PAK5: variants seen among roughly 807,000 people sequenced by gnomAD.
The protein encoded by PAK5 is p21 (RAC1) activated kinase 5, also known as serine/threonine-protein kinase PAK 5.
PAK5 carries 16 observed loss-of-function variants against 65.9 expected under a neutral mutation model. The ratio of observed to expected loss-of-function variants is 0.24; its 90% CI spans 0.16 to 0.37. The LOEUF is 0.37. Among genes scored for constraint, PAK5 ranks in the 10% least tolerant of loss-of-function variants. The probability of loss-of-function intolerance (pLI) is 1.00; values close to 1 mark genes in which losing one functional copy is unlikely to be tolerated. For missense variants in PAK5, 785 were observed against 903.9 expected (o/e 0.87, Z 1.69); for synonymous variants, 371 against 354.9 (o/e 1.05, Z -0.51).
intron 1 of PAK5, among the ~76,000 whole-genome samples, chr20:9,810,570 T>G (rs1190478532): frequency 6.6e-6 from 1 of 152,130 alleles, no homozygotes; most frequent in Non-Finnish European, 1.5e-5. Flanking sequence ...CAAGAAAGAA[T>G]GTATCAAGGG....
chr20:9,593,408 C>T (rs981723286), intron 3 of PAK5, among the ~76,000 whole-genome samples: 1 of 152,116 alleles, frequency 6.6e-6, no homozygotes, highest in East Asian at 1.9e-4. Context: ...ACTTGGCTTA[C>T]CCAGAGACAC....
chr20:9,612,726 ACCATATCAC>A (rs1191470709), intron 3 of PAK5, among the ~76,000 whole-genome samples: 2 of 152,046 alleles, frequency 1.3e-5, no homozygotes, highest in Non-Finnish European at 2.9e-5. Context: ...AAAGATCCAA[ACCATATCAC>A]CCAGCTACCC....
At chr20:9,644,045 G>A in intron 3 of PAK5, 80 bp downstream of exon 3, 3 of 1,021,154 alleles carry the variant, frequency 2.9e-6, no homozygotes, top group South Asian at 1.3e-5. Flanking sequence ...GCATTTTATA[G>A]CTTGCTTATA....
rs35705495 is a variant in PAK5, at chr20:9,738,818, TTGTGTG to T, written c.-161-27389_-161-27384del. The stretch of plus-strand genomic sequence containing the variant: ...ATTGCATACTTTAAATATGGGCAGT[TTGTGTG>T]TGTGTGTGTGTGTGTGTGTCAGTTA... On this transcript the variant is annotated intron_variant, in intron 1 of 9. Coordinates refer to ENST00000353224, the MANE Select transcript of PAK5 (RefSeq NM_177990.4). 2.0e-4 allele frequency among the ~76,000 whole-genome samples: 30 copies of T among 150,220 alleles called. No homozygotes were observed. In the East Asian group the frequency reaches 3.3e-3, roughly 17 times the overall value.
chr20:9,745,648 C>T (rs2048498749), intron 1 of PAK5, among the ~76,000 whole-genome samples: 1 of 152,006 alleles, frequency 6.6e-6, no homozygotes, highest in Non-Finnish European at 1.5e-5. Flanking sequence ...TACATGAATG[C>T]CTTGGTGAAA....
At chr20:9,783,728 T>G (rs1026659675) in intron 1 of PAK5, among the ~76,000 whole-genome samples, 1 of 152,178 alleles carries the variant, frequency 6.6e-6, no homozygotes, top group Non-Finnish European at 1.5e-5. Flanking sequence ...TGATCCCATT[T>G]ATAATTTGCA....
intron 3 of PAK5, among the ~76,000 whole-genome samples, chr20:9,638,055 C>T (rs1035814166): frequency 2.6e-5 from 4 of 152,126 alleles, no homozygotes; most frequent in African/African-American, 9.7e-5. Flanking sequence ...TCACTCCAGA[C>T]CTACTGAATC....
chr20:9,568,473 G>C (rs1207249357), intron 4 of PAK5, among the ~76,000 whole-genome samples: 1 of 152,072 alleles, frequency 6.6e-6, no homozygotes, highest in Non-Finnish European at 1.5e-5. Flanking sequence ...GGGCTTGTGG[G>C]GTGTGATAAT....
At chr20:9,671,626 T>C (rs556050169) in intron 2 of PAK5, among the ~76,000 whole-genome samples, 1 of 148,798 alleles carries the variant, frequency 6.7e-6, no homozygotes, top group South Asian at 2.4e-4. Flanking sequence ...ATTGATTTTG[T>C]ATCCTGAGAC....
chr20:9,659,797 C>T (rs1352567092), intron 2 of PAK5, among the ~76,000 whole-genome samples: 6 of 152,066 alleles, frequency 3.9e-5, no homozygotes, highest in East Asian at 3.9e-4. Context: ...TTGCCTTGTC[C>T]CCAAACAATC....
Position 9,538,572 on chromosome 20 carries a change from G to A in PAK5, c.*890C>T. 4.3e-6 allele frequency: 1 copy of A among 233,256 alleles called. No homozygotes were observed. Among genetic ancestry groups the A allele is most frequent in the African/African-American group, 2.2e-5 (1 of 45,426 alleles). 14.4% of individuals were successfully genotyped at this position (233,256 alleles called of 1,614,324 possible). On this transcript the variant is annotated 3_prime_UTR_variant, in exon 10 of 10. Coordinates refer to ENST00000353224, the MANE Select transcript of PAK5 (RefSeq NM_177990.4). ...CCTGGGAGGGAAATTTGGCCACAAG[G>A]GAACATTGTACCCATTTGAGAAAGG...
Position 9,622,853 on chromosome 20 carries a change from G to T in PAK5, c.204+21272C>A, listed in dbSNP as rs144963759. Among the ~76,000 whole-genome samples, 54 of 152,256 alleles carry T rather than the reference G, an allele frequency of 3.5e-4. No homozygotes were observed. In the East Asian group the frequency reaches 8.5e-3, roughly 24 times the overall value. ...AGTCCCTGGTGCCAAAAAGGTTGGG[G>T]ACTGCTGTGTTAAGCAACACACCTG... On this transcript the variant is annotated intron_variant, in intron 3 of 9. Coordinates refer to ENST00000353224, the MANE Select transcript of PAK5 (RefSeq NM_177990.4).
intron 2 of PAK5, among the ~76,000 whole-genome samples, chr20:9,659,717 T>TA (rs1043667645): frequency 6.6e-5 from 10 of 152,284 alleles, no homozygotes; most frequent in Admixed American, 1.3e-4. Flanking sequence ...CAATTTTAGA[T>TA]AAAAAATCAT....
intron 1 of PAK5, among the ~76,000 whole-genome samples, chr20:9,804,831 T>C (rs2049212618): frequency 6.6e-6 from 1 of 152,120 alleles, no homozygotes; most frequent in Admixed American, 6.6e-5. Flanking sequence ...GAAGGATTGC[T>C]TGAGGCCAGG....
At chr20:9,719,201 C>T (rs2048185879) in intron 1 of PAK5, among the ~76,000 whole-genome samples, 1 of 152,166 alleles carries the variant, frequency 6.6e-6, no homozygotes, top group South Asian at 2.1e-4. Context: ...GATTTTCTTT[C>T]ATTCAAAACA....
intron 3 of PAK5, among the ~76,000 whole-genome samples, chr20:9,611,161 T>C (rs2046552452): frequency 6.6e-6 from 1 of 152,234 alleles, no homozygotes. Flanking sequence ...TCTTGGCCTA[T>C]TGGAATCCCT....
rs2045200669 is a variant in PAK5, at chr20:9,538,196, A to G, written c.*1266T>C. ...AGTCATTCATTTTTATCAACATTCA[A>G]GAAGATCTAGACAGCAGCACGACTC... On this transcript the variant is annotated 3_prime_UTR_variant, in exon 10 of 10. Coordinates refer to ENST00000353224, the MANE Select transcript of PAK5 (RefSeq NM_177990.4). 1 of 233,506 alleles carries G rather than the reference A, an allele frequency of 4.3e-6. No homozygotes were observed. The allele number at this position is 233,506 out of a possible 1,614,324, so 14.5% of individuals were successfully genotyped here.
In PAK5 at chr20:9,759,487, G is replaced by A. The variant is rs115310928; in HGVS notation, c.-161-48052C>T. ...AATTGTGATATTTCACAGAATTTAA[G>A]GGAGAGATTGTTAAAACACAGATTC... On this transcript the variant is annotated intron_variant, in intron 1 of 9. Transcript: ENST00000353224. Among the ~76,000 whole-genome samples the A allele has an allele frequency of 5.2e-3, 797 of 152,258 alleles. 8 individuals are homozygous for A. The highest frequency in any genetic ancestry group is 0.017 in the African/African-American group (726 of 41,548).
intron 4 of PAK5, among the ~76,000 whole-genome samples, chr20:9,573,803 G>A (rs893292074): frequency 9.2e-5 from 14 of 152,142 alleles, no homozygotes; most frequent in East Asian, 1.9e-4. Context: ...ATGAGGACTC[G>A]GAATGTTCCG....
Sources: gnomAD v4.1 joint callset for allele counts (sites outside exome capture counted in the v4.1 genomes callset) on GRCh38, gnomAD v4.1.1 for gene constraint, MANE v1.5 for transcripts, NCBI Gene and HGNC (gene_info 2026-07-23, HGNC 2026-07-21) for gene names.